Variants in ACADSB observed in about 807,000 individuals in gnomAD.
ACADSB encodes short/branched chain specific acyl-CoA dehydrogenase, mitochondrial.
Under a neutral mutation model 54.1 loss-of-function variants are expected in ACADSB, and 40 were observed. That is an observed-to-expected ratio of 0.74 (90% CI 0.57 to 0.96). ACADSB has a LOEUF of 0.96. Among genes scored for constraint, ACADSB ranks in the 40% least tolerant of loss-of-function variants. The pLI is 0.00. For synonymous variants in ACADSB, 182 were observed against 182.8 expected, an observed-to-expected ratio of 1.00 and a Z score of 0.03; for missense variants, 530 against 510.4, an observed-to-expected ratio of 1.04 and a Z score of -0.37.
intron 1 of ACADSB, among the ~76,000 whole-genome samples, chr10:123,024,334 G>A (rs1850220956): frequency 6.6e-6 from 1 of 152,244 alleles, no homozygotes; most frequent in South Asian, 2.1e-4. Flanking sequence ...AGGGACCATA[G>A]CCGGAAATGA....
intron 1 of ACADSB, among the ~76,000 whole-genome samples, chr10:123,010,249 T>C (rs149936452): frequency 2.6e-5 from 4 of 152,346 alleles, no homozygotes; most frequent in African/African-American, 9.6e-5. Context: ...TCTTAACAAG[T>C]AGTTTAATCT....
At position 123,043,043 on chromosome 10, in the gene ACADSB, T is replaced by G. The variant is rs1462959986; in HGVS notation, c.682-3T>G. 3 of 1,613,424 alleles carry G rather than the reference T, an allele frequency of 1.9e-6. No homozygotes were observed. The highest frequency in any genetic ancestry group is 2.5e-6 in the Non-Finnish European group (3 of 1,179,476). On this transcript the variant is annotated splice_region_variant and splice_polypyrimidine_tract_variant and intron_variant, in intron 5 of 10. Coordinates refer to ENST00000358776, the MANE Select transcript of ACADSB (RefSeq NM_001609.4). Reference sequence around the variant, plus strand: ...GTAATAGCGTTTTAATTCTTCTTTTTAGGGATATAAGGGAATTACCTCCTT... The same window carrying G: ...GTAATAGCGTTTTAATTCTTCTTTTGAGGGATATAAGGGAATTACCTCCTT...
chr10:123,047,046 C>T (rs1042465744), intron 7 of ACADSB, among the ~76,000 whole-genome samples, 163 bp from the exon 8 acceptor site: 1 of 152,182 alleles, frequency 6.6e-6, no homozygotes, highest in South Asian at 2.1e-4. Context: ...TCTACAAATG[C>T]GGTGGGTGAG....
At chr10:123,009,647 G>T (rs951243934) in intron 1 of ACADSB, among the ~76,000 whole-genome samples, 1 of 152,162 alleles carries the variant, frequency 6.6e-6, no homozygotes, top group African/African-American at 2.4e-5. Flanking sequence ...CTGGAGCCTG[G>T]GTATCTTCCG....
chr10:123,021,618 G>T (rs915317831), intron 1 of ACADSB, among the ~76,000 whole-genome samples: 2 of 151,966 alleles, frequency 1.3e-5, no homozygotes, highest in African/African-American at 4.8e-5. Flanking sequence ...AACATCACAC[G>T]CATAACACAT....
At chr10:123,013,855 C>G (rs759365623) in intron 1 of ACADSB, among the ~76,000 whole-genome samples, 11 of 152,326 alleles carry the variant, frequency 7.2e-5, no homozygotes, top group South Asian at 2.1e-4. Context: ...ACAAGCGCCA[C>G]GCAGCCCTGG....
In ACADSB at chr10:123,013,768, C is replaced by T. The variant is rs139412596; in HGVS notation, c.42+4697C>T. On this transcript the variant is annotated intron_variant, in intron 1 of 10. Transcript: ENST00000358776. ...CCTGGGTGCTAAGCCCCTCACTGCCCGGGGCCGCAGGGCCTGCCGGCCGCT... is the reference window on the plus strand; with the variant it reads ...CCTGGGTGCTAAGCCCCTCACTGCCTGGGGCCGCAGGGCCTGCCGGCCGCT... 2.2e-3 allele frequency among the ~76,000 whole-genome samples: 333 copies of T among 152,340 alleles called. 5 individuals carry two copies. Among genetic ancestry groups the T allele is most frequent in the East Asian group, 0.014 (74 of 5,168 alleles).
At chr10:123,041,983 T>TC (rs59545299) in intron 5 of ACADSB, among the ~76,000 whole-genome samples, 1 of 150,346 alleles carries the variant, frequency 6.7e-6, no homozygotes, top group Non-Finnish European at 1.5e-5. Context: ...TTTTTTTTTT[T>TC]AATATGGAGT....
intron 1 of ACADSB, among the ~76,000 whole-genome samples, chr10:123,017,300 A>G (rs1372826287): frequency 1.3e-5 from 2 of 152,118 alleles, no homozygotes; most frequent in African/African-American, 4.8e-5. Context: ...AGGCAAGCCC[A>G]ACTCCTTTAC....
At chr10:123,029,689 T>C (rs145774233) in intron 1 of ACADSB, among the ~76,000 whole-genome samples, 1 of 152,372 alleles carries the variant, frequency 6.6e-6, no homozygotes, top group South Asian at 2.1e-4. Context: ...TGACAATTTA[T>C]GCATGCTTTG....
intron 1 of ACADSB, among the ~76,000 whole-genome samples, chr10:123,031,908 C>T (rs1235303291): frequency 2.0e-5 from 3 of 152,022 alleles, no homozygotes; most frequent in South Asian, 4.2e-4. Flanking sequence ...CAGTTGTGTC[C>T]GTGGGAAAAA....
At position 123,057,335 on chromosome 10, in the gene ACADSB, A is replaced by G. The variant is rs569890780; in HGVS notation, c.*3570A>G. ...ACAGTTAAAATTAATTATGTGTTAT[A>G]GTTAATATATGCACCTACCTTCTTC... On this transcript the variant is annotated 3_prime_UTR_variant, in exon 11 of 11. Transcript: ENST00000358776. 9.2e-5 allele frequency: 14 copies of G among 152,372 alleles called. No individual in the cohort carries two copies. Among genetic ancestry groups the G allele is most frequent in the African/African-American group, 3.4e-4 (14 of 41,586 alleles). The allele number at this position is 152,372 out of a possible 1,614,324, so 9.4% of individuals were successfully genotyped here.
At chr10:123,036,724 G>C in intron 2 of ACADSB, among the ~76,000 whole-genome samples, 1 of 152,200 alleles carries the variant, frequency 6.6e-6, no homozygotes, top group African/African-American at 2.4e-5. Context: ...CCTAGACTTT[G>C]CTAGGCGTGG....
At position 123,047,191 on chromosome 10, in the gene ACADSB, ATT is replaced by A; in HGVS notation, c.901-12_901-11del. 7 of 1,557,412 alleles carry A rather than the reference ATT, an allele frequency of 4.5e-6. No homozygotes were observed. The highest frequency in any genetic ancestry group is 6.2e-6 in the Non-Finnish European group (7 of 1,128,756). ...TAACAAAATAAGAAATTCTGATCTT[ATT>A]TTTTTGTTTTAACAGATGCTGGGAC... On this transcript the variant is annotated splice_polypyrimidine_tract_variant and intron_variant, in intron 7 of 10. Transcript: ENST00000358776.
chr10:123,025,997 G>C (rs957410475), intron 1 of ACADSB, among the ~76,000 whole-genome samples: 1 of 151,904 alleles, frequency 6.6e-6, no homozygotes, highest in Non-Finnish European at 1.5e-5. Context: ...AGCAGTTCTT[G>C]GGGGGAGGTT....
At position 123,053,958 on chromosome 10, in the gene ACADSB, G is replaced by A. The variant is rs1038773934; in HGVS notation, c.*193G>A. On this transcript the variant is annotated 3_prime_UTR_variant, in exon 11 of 11. Transcript: ENST00000358776. ...TTCAGGCTGTTTAACTTAGGCACAG[G>A]AGATCCACTTTTAAACTTGGGAAAT... 5 of 622,866 alleles carry A rather than the reference G, an allele frequency of 8.0e-6. No homozygotes were observed. Among genetic ancestry groups the A allele is most frequent in the Non-Finnish European group, 1.4e-5 (5 of 353,506 alleles). 38.6% of individuals were successfully genotyped at this position (622,866 alleles called of 1,614,324 possible).
chr10:123,053,210 T>C, intron 10 of ACADSB, 50 bp downstream of exon 10: 3 of 1,460,114 alleles, frequency 2.1e-6, no homozygotes, highest in Non-Finnish European at 2.9e-6. Flanking sequence ...TTTGCCTCTG[T>C]AGGTATTTTG....
At chr10:123,040,706 T>C (rs1850461864) in intron 4 of ACADSB, 34 bp downstream of exon 4, 1 of 1,568,282 alleles carries the variant, frequency 6.4e-7, no homozygotes. Flanking sequence ...CTAATGGATC[T>C]AATCTTTAGT....
At chr10:123,047,110 C>A in intron 7 of ACADSB, 99 bp from the exon 8 acceptor site, 1 of 977,036 alleles carries the variant, frequency 1.0e-6, no homozygotes, top group Non-Finnish European at 1.6e-6. Context: ...TCTTCCCCTG[C>A]CCCAATCATT....
Sources: gnomAD v4.1 joint callset for allele counts (sites outside exome capture counted in the v4.1 genomes callset) on GRCh38, gnomAD v4.1.1 for gene constraint, MANE v1.5 for transcripts, NCBI Gene and HGNC (gene_info 2026-07-23, HGNC 2026-07-21) for gene names.